NLRP6: variants seen among roughly 807,000 people sequenced by gnomAD.
NLRP6 encodes NLR family pyrin domain containing 6.
A neutral mutation model predicts 70.9 loss-of-function variants in NLRP6; 55 were observed. The ratio of observed to expected loss-of-function variants is 0.78; its 90% CI spans 0.62 to 0.97. NLRP6 has a LOEUF of 0.97. Ranked by LOEUF, NLRP6 falls within the 50% of genes least tolerant of loss-of-function variation. The probability of loss-of-function intolerance (pLI) is 0.00; values close to 1 mark genes in which losing one functional copy is unlikely to be tolerated. For missense variants in NLRP6, 1,241 were observed against 1,238.3 expected (o/e 1.00, Z -0.03); for synonymous variants, 652 against 581.9 (o/e 1.12, Z -1.73).
intron 2 of NLRP6, 98 bp from the exon 3 acceptor site, chr11:279,736 G>A (rs922998919): frequency 7.1e-7 from 1 of 1,406,282 alleles, no homozygotes; most frequent in Non-Finnish European, 9.4e-7. Context: ...CGGGCCCCAG[G>A]GGTAGGACCC....
intron 5 of NLRP6, among the ~76,000 whole-genome samples, chr11:283,856 A>G (rs1845514142): frequency 6.6e-6 from 1 of 151,894 alleles, no homozygotes; most frequent in African/African-American, 2.4e-5. Flanking sequence ...TAAGATGTTC[A>G]GCACACCATT....
At chr11:283,894 A>G (rs1211374897) in intron 5 of NLRP6, among the ~76,000 whole-genome samples, 2 of 151,504 alleles carry the variant, frequency 1.3e-5, no homozygotes, top group African/African-American at 4.8e-5. Context: ...AAAAAAGGAG[A>G]AACAACACAA....
chr11:281,565 G>A lies in NLRP6; in HGVS notation c.1831G>A (p.Glu611Lys), dbSNP rs779949026. 2.5e-4 allele frequency: 407 copies of A among 1,611,380 alleles called. No homozygotes were observed. Among genetic ancestry groups the A allele is most frequent in the Non-Finnish European group, 3.2e-4 (380 of 1,178,950 alleles). ...CACCGAAGAGCCAGAGGAGGAGGAGGAGGGAGAGGAGCCCAACTACCCACT... is the reference window on the plus strand; with the variant it reads ...CACCGAAGAGCCAGAGGAGGAGGAGAAGGGAGAGGAGCCCAACTACCCACT... ...EDTEEPEEEEEGEEPNYPLEL... is the reference protein window; with the variant it reads ...EDTEEPEEEEKGEEPNYPLEL... The change falls in exon 4 of 8, where the codon GAG becomes AAG. Residue 611 changes from glutamate to lysine, a missense_variant. Transcript: ENST00000534750.
rs373075382 is a variant in NLRP6 at position 284,470 on chromosome 11, C to G, written c.2370-5C>G. The G allele has an allele frequency of 1.2e-6, 2 of 1,611,406 alleles. No individual in the cohort carries two copies. The highest frequency in any genetic ancestry group is 1.7e-6 in the Non-Finnish European group (2 of 1,178,700). ...CAGCAGCTCCTGAGGTCGGCCCTCCCACAGGGTACAGCTGCCTGACCCCCA... is the reference window on the plus strand; with the variant it reads ...CAGCAGCTCCTGAGGTCGGCCCTCCGACAGGGTACAGCTGCCTGACCCCCA... On this transcript the variant is annotated splice_region_variant and splice_polypyrimidine_tract_variant and intron_variant, in intron 6 of 7. Coordinates refer to ENST00000534750, the MANE Select transcript of NLRP6 (RefSeq NM_001276700.2).
Position 284,318 on chromosome 11 carries a change from C to A in NLRP6, c.2287C>A (p.Leu763Ile). 6.2e-7 allele frequency: 1 copy of A among 1,612,426 alleles called. No homozygotes were observed. The highest frequency in any genetic ancestry group is 1.7e-5 in the Admixed American group (1 of 60,000). Reference protein sequence around the residue: ...AAPALTELGLLHNRLSEAGLR... With the variant: ...AAPALTELGLIHNRLSEAGLR... ...CCCCGCACTGACGGAGCTGGGCCTCCTCCACAACAGGCTCAGTGAGGCGGG... is the reference window on the plus strand; with the variant it reads ...CCCCGCACTGACGGAGCTGGGCCTCATCCACAACAGGCTCAGTGAGGCGGG... The change falls in exon 6 of 8, where the codon CTC (leucine) becomes ATC (isoleucine). Residue 763 changes from leucine to isoleucine, a missense_variant. Transcript: ENST00000534750.
At position 280,369 on chromosome 11, in the gene NLRP6, C is replaced by T. The variant is rs1452367353; in HGVS notation, c.635C>T (p.Ala212Val). Reference sequence around the variant, plus strand: ...GCGGGCATCGGCAAGACCATGGCGGCCAAAAAGATCCTGTACGACTGGGCG... The same window carrying T: ...GCGGGCATCGGCAAGACCATGGCGGTCAAAAAGATCCTGTACGACTGGGCG... ...GPAGIGKTMA[A>V]KKILYDWAAG... Residue 212 changes from alanine to valine, a missense_variant, in exon 4 of 8, where the codon GCC becomes GTC. Physicochemically the swap from Ala to Val is moderately conservative, Grantham distance 64 (BLOSUM62 0). Coordinates refer to ENST00000534750, the MANE Select transcript of NLRP6 (RefSeq NM_001276700.2). 3 of 1,542,650 alleles carry T rather than the reference C, an allele frequency of 1.9e-6. No homozygotes were observed. The highest frequency in any genetic ancestry group is 2.4e-5 in the South Asian group (2 of 84,744).
intron 2 of NLRP6, 49 bp from the exon 3 acceptor site, chr11:279,784 CT>C: frequency 6.4e-7 from 1 of 1,564,054 alleles, no homozygotes; most frequent in East Asian, 2.4e-5. Context: ...CCCGTGGCGC[CT>C]TCCCCTGTTC....
Position 281,827 on chromosome 11 carries a change from T to C in NLRP6, c.2093T>C (p.Leu698Pro), listed in dbSNP as rs778493323. 1 of 1,578,414 alleles carries C rather than the reference T, an allele frequency of 6.3e-7. No homozygotes were observed. Among genetic ancestry groups the C allele is most frequent in the Non-Finnish European group, 8.6e-7 (1 of 1,166,484 alleles). The change falls in exon 4 of 8, where the codon CTG becomes CCG. Residue 698 changes from leucine to proline, a missense_variant. Leu to Pro is a moderately conservative substitution (Grantham distance 98). Transcript: ENST00000534750. ...KSLGKRLQAS[L>P]GGGSSQGTTK... Reference sequence around the variant, plus strand: ...CTGGGGAAGCGGCTCCAGGCCAGCCTGGGTGGCGGCAGGTGCGTCTCCAGG... The same window carrying C: ...CTGGGGAAGCGGCTCCAGGCCAGCCCGGGTGGCGGCAGGTGCGTCTCCAGG...
Position 278,462 on chromosome 11 carries a change from C to T in NLRP6, c.-108C>T, listed in dbSNP as rs180714684. ...CGGTGTGTGGACCCGGGGAATGGAC[C>T]GGGCTGGACAACCTCTAAGACTTGG... is the stretch of plus-strand genomic sequence containing the variant. On this transcript the variant is annotated 5_prime_UTR_variant, in exon 1 of 8. Coordinates refer to ENST00000534750, the MANE Select transcript of NLRP6 (RefSeq NM_001276700.2). This position sits in a 1 kb window ranked among gnomAD's most constrained non-coding sequence, Gnocchi z 4.7. 3.1e-4 allele frequency: 284 copies of T among 911,642 alleles called. 1 individual carries two copies. In the African/African-American group the frequency reaches 4.0e-3, roughly 13 times the overall value. The allele number at this position is 911,642 out of a possible 1,614,324, so 56.5% of individuals were successfully genotyped here. A position where few individuals can be genotyped will look rare whatever the true frequency, so the allele number is the denominator to read the frequency against.
rs1279238302 is a variant in NLRP6, at chr11:279,311, G to A, written c.30-16G>A. 6 of 1,216,862 alleles carry A rather than the reference G, an allele frequency of 4.9e-6. No individual in the cohort carries two copies. Among genetic ancestry groups the A allele is most frequent in the East Asian group, 3.7e-5 (1 of 27,380 alleles). 75.4% of individuals were successfully genotyped at this position (1,216,862 alleles called of 1,614,324 possible). A position where few individuals can be genotyped will look rare whatever the true frequency, so the allele number is the denominator to read the frequency against. On this transcript the variant is annotated splice_polypyrimidine_tract_variant and intron_variant, in intron 1 of 7. Coordinates refer to ENST00000534750, the MANE Select transcript of NLRP6 (RefSeq NM_001276700.2). ...CGAGGGCCGCTCCCCGATGACCCGC[G>A]CCCGCCCGCCTCCAGCACGGGGCCG... is the stretch of plus-strand genomic sequence containing the variant.
rs1243569298 is a variant in NLRP6, at chr11:284,494, C to T, written c.2389C>T (p.Gln797Ter). 1 of 1,612,810 alleles carries T rather than the reference C, an allele frequency of 6.2e-7. No homozygotes were observed. The highest frequency in any genetic ancestry group is 1.3e-5 in the African/African-American group (1 of 74,910). Reference protein sequence around the residue: ...QTVRVQLPDPQRGLQYLVGML... With the variant: ...QTVRVQLPDP Reference sequence around the variant, plus strand: ...CCACAGGGTACAGCTGCCTGACCCCCAGCGAGGGCTCCAGTACCTGGTGGG... The same window carrying T: ...CCACAGGGTACAGCTGCCTGACCCCTAGCGAGGGCTCCAGTACCTGGTGGG... The change falls in exon 7 of 8, where the codon CAG (glutamine) becomes TAG (stop). Residue 797 changes from glutamine to a stop codon, truncating the protein, a stop_gained. Transcript: ENST00000534750. LOFTEE classifies it high-confidence loss of function.
chr11:281,431 T>C lies in NLRP6; in HGVS notation c.1697T>C (p.Met566Thr). The C allele has an allele frequency of 6.2e-7, 1 of 1,607,440 alleles. No homozygotes were observed. Residue 566 changes from methionine to threonine, a missense_variant, in exon 4 of 8, where the codon ATG becomes ACG. By Grantham distance (81) the Met-to-Thr change is moderately conservative. Coordinates refer to ENST00000534750, the MANE Select transcript of NLRP6 (RefSeq NM_001276700.2). ...GACATCGAGCGCCACTTCGGCTGCA[T>C]GGTTTCAGAGCGTGTGAAGCAGGAG... ...MRDIERHFGC[M>T]VSERVKQEAL...
rs1182996220 is a variant in NLRP6, at chr11:280,171, G to A, written c.437G>A (p.Arg146His). 4 of 1,550,008 alleles carry A rather than the reference G, an allele frequency of 2.6e-6. No homozygotes were observed. Among genetic ancestry groups the A allele is most frequent in the Admixed American group, 2.0e-5 (1 of 51,194 alleles). Reference sequence around the variant, plus strand: ...GCCCGCTCCGTGAAGATCACCAAGCGCTTCACCAAGCTGCTCATCGCGCCC... The same window carrying A: ...GCCCGCTCCGTGAAGATCACCAAGCACTTCACCAAGCTGCTCATCGCGCCC... ...RNARSVKITKRFTKLLIAPES... is the reference protein window; with the variant it reads ...RNARSVKITKHFTKLLIAPES... Residue 146 changes from arginine to histidine, a missense_variant, in exon 4 of 8, where the codon CGC becomes CAC. Arg to His is a conservative substitution (Grantham distance 29, BLOSUM62 0). Coordinates refer to ENST00000534750, the MANE Select transcript of NLRP6 (RefSeq NM_001276700.2).
At chr11:284,995 G>C (rs1346977826) in intron 7 of NLRP6, among the ~76,000 whole-genome samples, 171 bp from the exon 8 acceptor site, 3 of 151,846 alleles carry the variant, frequency 2.0e-5, no homozygotes, top group Admixed American at 2.0e-4. Flanking sequence ...ACCTGTCCCT[G>C]AGTGTCTGTG....
chr11:280,661 C>A lies in NLRP6; in HGVS notation c.927C>A (p.Gly309=), dbSNP rs762654632. Residue 309 remains glycine (G), a synonymous_variant, in exon 4 of 8, where the codon GGC becomes GGA. Coordinates refer to ENST00000534750, the MANE Select transcript of NLRP6 (RefSeq NM_001276700.2). ...FEAASGARVL[G]GLLSKALLPT... is the part of the protein sequence containing the mutation. Reference sequence around the variant, plus strand: ...CGGCGAGCGGCGCGCGGGTGCTAGGCGGGCTGCTGAGCAAGGCGCTGCTGC... The same window carrying A: ...CGGCGAGCGGCGCGCGGGTGCTAGGAGGGCTGCTGAGCAAGGCGCTGCTGC... 9 of 1,530,728 alleles carry A rather than the reference C, an allele frequency of 5.9e-6. No individual in the cohort carries two copies. The highest frequency in any genetic ancestry group is 7.0e-6 in the Non-Finnish European group (8 of 1,146,040). The allele number at this position is 1,530,728 out of a possible 1,614,324, so 94.8% of individuals were successfully genotyped here.
In NLRP6 at chr11:285,269, C is replaced by A. The variant is rs1845542657; in HGVS notation, c.2641C>A (p.Pro881Thr). 6.2e-7 allele frequency: 1 copy of A among 1,608,644 alleles called. No individual in the cohort carries two copies. Among genetic ancestry groups the A allele is most frequent in the Non-Finnish European group, 8.5e-7 (1 of 1,177,368 alleles). The change falls in exon 8 of 8, where the codon CCA becomes ACA. Residue 881 changes from proline to threonine, a missense_variant. Physicochemically the swap from Pro to Thr is conservative, Grantham distance 38. Transcript: ENST00000534750. ...CACACACCCAGCGCTGGACGGCCAC[C>A]CACAACCTCCCAAGGAACTCATCTC... Reference protein sequence around the residue: ...VITHPALDGHPQPPKELISTF With the variant: ...VITHPALDGHTQPPKELISTF
Position 280,254 on chromosome 11 carries a change from G to A in NLRP6, c.520G>A (p.Ala174Thr). Residue 174 changes from alanine (A) to threonine (T), a missense_variant, in exon 4 of 8, where the codon GCG (alanine) becomes ACG (threonine). Coordinates refer to ENST00000534750, the MANE Select transcript of NLRP6 (RefSeq NM_001276700.2). ...GPAEEPEPGR[A>T]RRSDTHTFNR... is the part of the protein sequence containing the mutation. ...CGCGGAAGAGCCTGAGCCGGGGCGC[G>A]CGCGGCGCTCGGACACGCACACTTT... 1 of 1,525,726 alleles carries A rather than the reference G, an allele frequency of 6.6e-7. No individual in the cohort carries two copies. The highest frequency in any genetic ancestry group is 8.8e-7 in the Non-Finnish European group (1 of 1,138,076). 94.5% of individuals were successfully genotyped at this position (1,525,726 alleles called of 1,614,324 possible).
intron 7 of NLRP6, 140 bp downstream of exon 7, chr11:284,782 T>A: frequency 1.2e-6 from 1 of 822,938 alleles, no homozygotes; most frequent in Non-Finnish European, 1.9e-6. Flanking sequence ...AACACTGACC[T>A]GGGAGCCCAG....
Position 279,429 on chromosome 11 carries a change from G to T in NLRP6, c.132G>T (p.Val44=). 3.6e-6 allele frequency: 5 copies of T among 1,374,968 alleles called. No individual in the cohort carries two copies. Among genetic ancestry groups the T allele is most frequent in the Non-Finnish European group, 4.7e-6 (5 of 1,066,868 alleles). 85.2% of individuals were successfully genotyped at this position (1,374,968 alleles called of 1,614,324 possible). The change falls in exon 2 of 8, where the codon GTG becomes GTT. Residue 44 remains valine (V), a synonymous_variant. Coordinates refer to ENST00000534750, the MANE Select transcript of NLRP6 (RefSeq NM_001276700.2). ...LKRFRHKLRD[V]GPDGRSIPWG... ...GCTTCCGCCACAAGCTGCGCGACGTGGGCCCGGACGGACGCAGCATCCCGT... is the reference window on the plus strand; with the variant it reads ...GCTTCCGCCACAAGCTGCGCGACGTTGGCCCGGACGGACGCAGCATCCCGT...
Sources: allele counts gnomAD v4.1 joint callset (sites outside exome capture counted in the v4.1 genomes callset), GRCh38; gene constraint gnomAD v4.1.1; non-coding constraint Gnocchi (gnomAD v3.1); transcripts MANE v1.5; gene names NCBI Gene and HGNC (gene_info 2026-07-23, HGNC 2026-07-21).